The following ADCY8 variants were observed in gnomAD, a reference collection of about 807,000 sequenced individuals.
ADCY8 encodes the protein adenylate cyclase type 8.
Under a neutral mutation model 119.7 loss-of-function variants are expected in ADCY8, and 51 were observed. That is an observed-to-expected ratio of 0.43 (90% CI 0.34 to 0.54). The LOEUF (loss-of-function observed/expected upper bound fraction) is 0.54, where lower values mean the gene tolerates loss of function less well. Ranked by LOEUF, ADCY8 falls within the 20% of genes least tolerant of loss-of-function variation. The pLI is 0.03. For synonymous variants in ADCY8, 665 were observed against 651.0 expected, an observed-to-expected ratio of 1.02 and a Z score of -0.33; for missense variants, 1,383 against 1,598.8, an observed-to-expected ratio of 0.87 and a Z score of 2.30.
intron 5 of ADCY8, among the ~76,000 whole-genome samples, chr8:130,911,801 TTAGA>T (rs1224626039): frequency 6.6e-6 from 1 of 151,140 alleles, no homozygotes; most frequent in African/African-American, 2.4e-5. Flanking sequence ...TATAATTTTA[TTAGA>T]TATGCATATC....
chr8:131,029,071 C>T (rs113844887), intron 1 of ADCY8, among the ~76,000 whole-genome samples: 2,171 of 152,328 alleles, frequency 0.014, 31 homozygotes, highest in African/African-American at 0.029. Flanking sequence ...CTTGCATTAC[C>T]GCCTGAGCTC....
chr8:130,928,505 C>CT (rs1243734014), intron 5 of ADCY8, among the ~76,000 whole-genome samples: 1 of 152,042 alleles, frequency 6.6e-6, no homozygotes, highest in Non-Finnish European at 1.5e-5. Context: ...TTTTCAAATG[C>CT]TTTTTCTGCA....
intron 1 of ADCY8, among the ~76,000 whole-genome samples, chr8:130,994,165 C>T (rs542941649): frequency 3.3e-5 from 5 of 152,308 alleles, no homozygotes; most frequent in East Asian, 1.9e-4. Flanking sequence ...TTGTTTCTGC[C>T]GTTAATAGTT....
In ADCY8 at chr8:130,847,430, G is replaced by A. The variant is rs1286957592; in HGVS notation, c.2496C>T (p.Tyr832=). 2 of 1,610,358 alleles carry A rather than the reference G, an allele frequency of 1.2e-6. No homozygotes were observed. The highest frequency in any genetic ancestry group is 8.5e-7 in the Non-Finnish European group (1 of 1,177,890). The change falls in exon 11 of 18, where the codon TAC becomes TAT. Residue 832 remains tyrosine, a synonymous_variant. Transcript: ENST00000286355. ...GGAGCTCATAAATAAATACCTCTGG[G>A]TAGGAGCAGATATCTGTAAACACAG... The part of the protein sequence containing the change: ...SSAVFTDICS[Y]PEYFVFTGVL...
At chr8:130,917,762 T>A (rs1309256330) in intron 5 of ADCY8, among the ~76,000 whole-genome samples, 4 of 139,156 alleles carry the variant, frequency 2.9e-5, no homozygotes, top group Non-Finnish European at 6.0e-5. Flanking sequence ...GCACAGGGAG[T>A]TTGTGTGTGT....
chr8:130,817,125 T>C (rs1816371519), intron 13 of ADCY8, among the ~76,000 whole-genome samples: 2 of 152,214 alleles, frequency 1.3e-5, no homozygotes. Flanking sequence ...GTAACAATTG[T>C]ATTAATATAC....
intron 9 of ADCY8, among the ~76,000 whole-genome samples, chr8:130,859,249 AT>A (rs914074024): frequency 5.3e-5 from 8 of 152,220 alleles, no homozygotes; most frequent in Admixed American, 5.2e-4. Flanking sequence ...TAAGCTATAC[AT>A]GAGTTCATAT....
chr8:130,854,383 T>C (rs1342919709), intron 9 of ADCY8, among the ~76,000 whole-genome samples: 2 of 152,208 alleles, frequency 1.3e-5, no homozygotes, highest in African/African-American at 4.8e-5. Context: ...AAATGGTTTG[T>C]ATTGATATTG....
At chr8:130,897,815 C>A (rs1182829663) in intron 7 of ADCY8, among the ~76,000 whole-genome samples, 7 of 126,302 alleles carry the variant, frequency 5.5e-5, no homozygotes, top group Non-Finnish European at 1.0e-4. Flanking sequence ...CACATATATA[C>A]ATATATCACA....
intron 1 of ADCY8, among the ~76,000 whole-genome samples, chr8:131,019,419 T>A (rs1253421709): frequency 6.6e-6 from 1 of 152,220 alleles, no homozygotes; most frequent in Non-Finnish European, 1.5e-5. Flanking sequence ...AGTTACAATT[T>A]GGCAGATTCT....
chr8:130,783,482 C>T (rs1741676927), intron 17 of ADCY8, among the ~76,000 whole-genome samples: 1 of 152,222 alleles, frequency 6.6e-6, no homozygotes, highest in African/African-American at 2.4e-5. Context: ...TGCACACAAG[C>T]CAGTATCCTA....
rs544234636 is a variant in ADCY8 at position 130,963,589 on chromosome 8, T to C, written c.1111-11591A>G. Among the ~76,000 whole-genome samples, 14 of 152,296 alleles carry C rather than the reference T, an allele frequency of 9.2e-5. No homozygotes were observed. In the South Asian group the frequency reaches 2.9e-3, roughly 32 times the overall value. On this transcript the variant is annotated intron_variant, in intron 2 of 17. Transcript: ENST00000286355. ...AAGGCAGACATGATCCTCTACTTCA[T>C]GGGGGGTTTAGTCCCCAAGATGACA...
In ADCY8 at chr8:130,834,502, C is replaced by T. The variant is rs57188754; in HGVS notation, c.2675+1775G>A. 4.3e-3 allele frequency among the ~76,000 whole-genome samples: 660 copies of T among 152,242 alleles called. 8 individuals carry two copies. Among genetic ancestry groups the T allele is most frequent in the African/African-American group, 0.015 (632 of 41,552 alleles). ...TGGCAATATTTTAAAAAGTGGAAAA[C>T]GCAGATACCCTACAATCCAACAAGA... On this transcript the variant is annotated intron_variant, in intron 12 of 17. Transcript: ENST00000286355.
At chr8:130,849,854 C>T in intron 9 of ADCY8, 51 bp from the exon 10 acceptor site, 3 of 1,511,534 alleles carry the variant, frequency 2.0e-6, no homozygotes, top group Non-Finnish European at 2.7e-6. Context: ...GTCTGAGCAA[C>T]ACTGAAATTC....
intron 5 of ADCY8, among the ~76,000 whole-genome samples, chr8:130,930,405 C>T (rs1049349840): frequency 1.8e-4 from 28 of 152,014 alleles, no homozygotes; most frequent in Non-Finnish European, 7.4e-5. Flanking sequence ...GCACCTGCCA[C>T]GAAGCCTGGC....
chr8:130,837,651 T>G (rs1325512381), intron 11 of ADCY8, among the ~76,000 whole-genome samples: 1 of 152,222 alleles, frequency 6.6e-6, no homozygotes, highest in Non-Finnish European at 1.5e-5. Context: ...ATTCCTTCCC[T>G]TAGAGAAGTA....
chr8:130,806,394 A>C (rs1341067064), intron 14 of ADCY8, among the ~76,000 whole-genome samples: 1 of 152,120 alleles, frequency 6.6e-6, no homozygotes, highest in East Asian at 1.9e-4. Context: ...TCTCCTCCTT[A>C]TCCCTATTGC....
At chr8:130,791,127 G>A (rs1815411725) in intron 15 of ADCY8, among the ~76,000 whole-genome samples, 1 of 152,190 alleles carries the variant, frequency 6.6e-6, no homozygotes, top group African/African-American at 2.4e-5. Flanking sequence ...CATAAATCCT[G>A]CTCTCTCTCA....
chr8:130,857,841 G>T (rs1057130746), intron 9 of ADCY8, among the ~76,000 whole-genome samples: 4 of 152,100 alleles, frequency 2.6e-5, no homozygotes, highest in Admixed American at 6.5e-5. Flanking sequence ...ATGGTGAAAA[G>T]CCACTGGTTT....
Sources: gnomAD v4.1 joint callset for allele counts (sites outside exome capture counted in the v4.1 genomes callset) on GRCh38, gnomAD v4.1.1 for gene constraint, MANE v1.5 for transcripts, NCBI Gene and HGNC (gene_info 2026-07-23, HGNC 2026-07-21) for gene names.